The following HTR2C variants were observed in gnomAD, a reference collection of about 807,000 sequenced individuals.
HTR2C encodes 5-hydroxytryptamine receptor 2C.
A neutral mutation model predicts 21.0 loss-of-function variants in HTR2C; 5 were observed. That is an observed-to-expected ratio of 0.24 (90% CI 0.12 to 0.50). The LOEUF is 0.50. Among genes scored for constraint, HTR2C ranks in the 20% least tolerant of loss-of-function variants. The pLI, the probability that HTR2C is intolerant of heterozygous loss-of-function variation, is 0.98. For missense variants in HTR2C, 271 were observed against 371.2 expected, an observed-to-expected ratio of 0.73 and a Z score of 2.22; for synonymous variants, 150 against 145.3, an observed-to-expected ratio of 1.03 and a Z score of -0.23.
intron 5 of HTR2C, among the ~76,000 whole-genome samples, chrX:114,850,586 G>A (rs1341468320): frequency 2.7e-5 from 3 of 111,238 alleles, no homozygotes; most frequent in Non-Finnish European, 5.7e-5. Context: ...AGCATCACTT[G>A]AACTCAAGTG....
intron 2 of HTR2C, among the ~76,000 whole-genome samples, chrX:114,616,313 G>A (rs1928947034): frequency 9.2e-6 from 1 of 108,750 alleles, no homozygotes; most frequent in African/African-American, 3.4e-5. Flanking sequence ...TTGAGATGAA[G>A]TCTCGCTCTG....
chrX:114,816,779 T>A (rs2147455245), intron 4 of HTR2C, among the ~76,000 whole-genome samples: 1 of 110,559 alleles, frequency 9.0e-6, no homozygotes, highest in Admixed American at 9.8e-5. Flanking sequence ...TCAAAATCAA[T>A]GATAAAAGAA....
rs373856592 is a variant in HTR2C at position 114,650,728 on chromosome X, T to C, written c.-80+36847T>C. ...TTCTGCCCCATATTGTAAACTCCCT[T>C]GTAGACAGTTCCTCATCTGTCTTGT... On this transcript the variant is annotated intron_variant, in intron 2 of 5. Transcript: ENST00000276198. 1.6e-4 allele frequency among the ~76,000 whole-genome samples: 18 copies of C among 112,064 alleles called. No homozygotes were observed. In the East Asian group the frequency reaches 3.9e-3, roughly 25 times the overall value.
chrX:114,838,485 C>T (rs1339766896), intron 4 of HTR2C, among the ~76,000 whole-genome samples: 1 of 111,700 alleles, frequency 9.0e-6, no homozygotes, highest in Non-Finnish European at 1.9e-5. Context: ...AAAATAAAGT[C>T]CTTTTGTATT....
At chrX:114,655,183 AC>A (rs1165164035) in intron 2 of HTR2C, among the ~76,000 whole-genome samples, 1 of 111,238 alleles carries the variant, frequency 9.0e-6, no homozygotes, top group African/African-American at 3.3e-5. Context: ...AATTTAGGTG[AC>A]AATGCTGAAG....
intron 2 of HTR2C, among the ~76,000 whole-genome samples, chrX:114,663,516 A>G (rs1367830026): frequency 1.8e-5 from 2 of 111,774 alleles, no homozygotes; most frequent in Non-Finnish European, 3.8e-5. Context: ...AAAGCTTTCA[A>G]ACAAACAAAA....
At chrX:114,850,810 G>A (rs186311591) in intron 5 of HTR2C, among the ~76,000 whole-genome samples, 5 of 111,371 alleles carry the variant, frequency 4.5e-5, no homozygotes, top group Admixed American at 3.8e-4. Context: ...TTCTAAGACT[G>A]TCATATAGGC....
chrX:114,896,432 T>C (rs1272194879), intron 5 of HTR2C, among the ~76,000 whole-genome samples: 1 of 112,265 alleles, frequency 8.9e-6, no homozygotes, highest in Non-Finnish European at 1.9e-5. Flanking sequence ...AAACAGTTAC[T>C]GAGAAAGGAA....
At chrX:114,601,864 G>A (rs1928114492) in intron 1 of HTR2C, among the ~76,000 whole-genome samples, 2 of 96,136 alleles carry the variant, frequency 2.1e-5, no homozygotes, top group African/African-American at 3.9e-5. Context: ...TAGGGGCGGC[G>A]TGGGAACCTA....
intron 4 of HTR2C, among the ~76,000 whole-genome samples, chrX:114,798,180 A>G (rs1002887657): frequency 9.0e-6 from 1 of 111,128 alleles, no homozygotes; most frequent in Middle Eastern, 4.7e-3. Context: ...GAGACCTTAA[A>G]ATTCAAAGCG....
At chrX:114,770,134 C>T (rs1381911681) in intron 4 of HTR2C, among the ~76,000 whole-genome samples, 1 of 111,284 alleles carries the variant, frequency 9.0e-6, no homozygotes, top group Non-Finnish European at 1.9e-5. Flanking sequence ...TTGCTTCTTC[C>T]AGAATTTGCT....
intron 2 of HTR2C, among the ~76,000 whole-genome samples, chrX:114,655,320 C>G (rs1440710784): frequency 9.0e-6 from 1 of 111,295 alleles, no homozygotes; most frequent in Non-Finnish European, 1.9e-5. Flanking sequence ...GGCACTATTT[C>G]TGTTTTAAAT....
At chrX:114,714,853 C>T (rs932432207) in intron 2 of HTR2C, among the ~76,000 whole-genome samples, 3 of 111,580 alleles carry the variant, frequency 2.7e-5, no homozygotes, top group African/African-American at 9.8e-5. Flanking sequence ...GACTAGAACT[C>T]ATGTCTCCTA....
At chrX:114,876,422 C>CTTTTTTTTTTTTTTTTTTTTTTTTCTTT (rs60498146) in intron 5 of HTR2C, among the ~76,000 whole-genome samples, 1 of 62,397 alleles carries the variant, frequency 1.6e-5, no homozygotes, top group Non-Finnish European at 2.8e-5. Flanking sequence ...CTTTTTCTTT[C>CTTTTTTTTTTTTTTTTTTTTTTTTCTTT]TTTTTTTTTT....
intron 2 of HTR2C, among the ~76,000 whole-genome samples, chrX:114,678,589 A>G (rs1931645753): frequency 9.0e-6 from 1 of 111,510 alleles, no homozygotes; most frequent in Admixed American, 9.6e-5. Flanking sequence ...AACATGAAAG[A>G]TAGTGTTTAC....
chrX:114,873,174 A>C (rs782223596), intron 5 of HTR2C, among the ~76,000 whole-genome samples: 2 of 111,656 alleles, frequency 1.8e-5, no homozygotes, highest in East Asian at 5.6e-4. Flanking sequence ...TCAATCTTAT[A>C]ATCTCTATCA....
At chrX:114,708,531 G>A (rs782306417) in intron 2 of HTR2C, among the ~76,000 whole-genome samples, 2 of 111,768 alleles carry the variant, frequency 1.8e-5, no homozygotes, top group African/African-American at 6.5e-5. Flanking sequence ...CTGGTGTGGT[G>A]GGTGATACCT....
intron 4 of HTR2C, among the ~76,000 whole-genome samples, chrX:114,792,224 A>C (rs1240900907): frequency 9.0e-6 from 1 of 111,306 alleles, no homozygotes; most frequent in African/African-American, 3.3e-5. Flanking sequence ...CCTGTCACCT[A>C]GGTATTAAGC....
At chrX:114,689,474 A>G (rs1314574678) in intron 2 of HTR2C, among the ~76,000 whole-genome samples, 1 of 110,133 alleles carries the variant, frequency 9.1e-6, no homozygotes, top group Non-Finnish European at 1.9e-5. Context: ...ACTTCCACTG[A>G]CAGTGTAAAA....
Sources: gnomAD v4.1 joint callset for allele counts (sites outside exome capture counted in the v4.1 genomes callset) on GRCh38, gnomAD v4.1.1 for gene constraint, MANE v1.5 for transcripts, NCBI Gene and HGNC (gene_info 2026-07-23, HGNC 2026-07-21) for gene names.